ZC4H2: variants seen among roughly 807,000 people sequenced by gnomAD.
ZC4H2 encodes the protein zinc finger C4H2 domain-containing protein.
For missense variants in ZC4H2, 137 were observed against 173.9 expected, an observed-to-expected ratio of 0.79 and a Z score of 1.19; for synonymous variants, 84 against 66.3, an observed-to-expected ratio of 1.27 and a Z score of -1.30.
intron 1 of ZC4H2, among the ~76,000 whole-genome samples, chrX:64,973,284 A>G (rs1931840519): frequency 9.1e-6 from 1 of 109,951 alleles, no homozygotes; most frequent in African/African-American, 3.3e-5. Context: ...TTAAAAATTC[A>G]TATTGATTTA....
At chrX:65,033,028 C>T (rs891874626) in intron 1 of ZC4H2, among the ~76,000 whole-genome samples, 2 of 111,876 alleles carry the variant, frequency 1.8e-5, no homozygotes, top group South Asian at 3.8e-4. Flanking sequence ...CTGCCCACCT[C>T]GGCCTCCCAA....
At position 64,967,444 on chromosome X, in the gene ZC4H2, T is replaced by G. The variant is rs779291008; in HGVS notation, c.53+8881A>C. Among the ~76,000 whole-genome samples, 10 of 112,071 alleles carry G rather than the reference T, an allele frequency of 8.9e-5. No individual in the cohort carries two copies. In the South Asian group the frequency reaches 3.7e-3, roughly 42 times the overall value. ...TAAGCAAGCACCATTTATCCAGAAG[T>G]GCGCTGGTTCTTGTGGATGAATGAT... On this transcript the variant is annotated intron_variant, in intron 1 of 4. Coordinates refer to ENST00000374839, the MANE Select transcript of ZC4H2 (RefSeq NM_018684.4).
intron 1 of ZC4H2, among the ~76,000 whole-genome samples, chrX:64,968,964 TG>T (rs1931685347): frequency 1.8e-5 from 2 of 111,130 alleles, no homozygotes; most frequent in Admixed American, 1.9e-4. Context: ...CAAGAGGGAG[TG>T]AATGTTGTGT....
At chrX:64,974,260 CTTCT>C (rs1931872246) in intron 1 of ZC4H2, among the ~76,000 whole-genome samples, 1 of 111,139 alleles carries the variant, frequency 9.0e-6, no homozygotes, top group Admixed American at 9.5e-5. Flanking sequence ...TCACTTTGTT[CTTCT>C]TTATGTTTTA....
chrX:64,987,120 G>C (rs1390435508), intron 1 of ZC4H2, among the ~76,000 whole-genome samples: 1 of 108,873 alleles, frequency 9.2e-6, no homozygotes, highest in African/African-American at 3.4e-5. Flanking sequence ...AGTAGAGACA[G>C]GGTTTCACTG....
chrX:65,003,604 G>A (rs1394737189), intron 1 of ZC4H2, among the ~76,000 whole-genome samples: 2 of 111,482 alleles, frequency 1.8e-5, no homozygotes, highest in African/African-American at 3.3e-5. Context: ...GGGGCCAGGC[G>A]TGGTGGCTCA....
At chrX:64,956,241 G>T (rs1004023785) in intron 1 of ZC4H2, among the ~76,000 whole-genome samples, 2 of 111,559 alleles carry the variant, frequency 1.8e-5, no homozygotes, top group African/African-American at 6.5e-5. Flanking sequence ...TTAATGGAAA[G>T]ACTGCTTAGT....
At chrX:65,029,190 A>G (rs1932910663) in intron 1 of ZC4H2, among the ~76,000 whole-genome samples, 1 of 111,722 alleles carries the variant, frequency 9.0e-6, no homozygotes, top group Non-Finnish European at 1.9e-5. Context: ...CAGAGAATGT[A>G]TGTCTGGAAT....
At chrX:64,958,786 G>T (rs182097983) in intron 1 of ZC4H2, among the ~76,000 whole-genome samples, 127 of 111,406 alleles carry the variant, frequency 1.1e-3, no homozygotes, top group African/African-American at 4.0e-3. Flanking sequence ...GTGCATAAGG[G>T]CTCTTGTATC....
chrX:64,928,648 C>CTTT (rs1395706103), intron 1 of ZC4H2, among the ~76,000 whole-genome samples: 15 of 94,466 alleles, frequency 1.6e-4, no homozygotes, highest in African/African-American at 5.6e-4. Flanking sequence ...TCTTCTTCTT[C>CTTT]TTCTTCTTCT....
At chrX:64,998,666 T>C (rs1220156083) in intron 1 of ZC4H2, among the ~76,000 whole-genome samples, 1 of 111,738 alleles carries the variant, frequency 8.9e-6, no homozygotes, top group Non-Finnish European at 1.9e-5. Context: ...CTTACTTATC[T>C]TCTGTCTGGT....
At chrX:65,012,899 A>G (rs1932769478) in intron 1 of ZC4H2, among the ~76,000 whole-genome samples, 1 of 111,812 alleles carries the variant, frequency 8.9e-6, no homozygotes, top group Admixed American at 9.5e-5. Context: ...TAGAAATTCT[A>G]GCTGTTTTTG....
chrX:64,942,188 T>A (rs1459851556), intron 1 of ZC4H2, among the ~76,000 whole-genome samples: 5 of 111,578 alleles, frequency 4.5e-5, no homozygotes, highest in Non-Finnish European at 1.9e-5. Flanking sequence ...CATAAAGGTG[T>A]TTTTAGTATT....
chrX:64,958,223 C>A (rs1391405796), intron 1 of ZC4H2, among the ~76,000 whole-genome samples: 1 of 112,142 alleles, frequency 8.9e-6, no homozygotes, highest in East Asian at 2.8e-4. Context: ...AGTGCAGTAT[C>A]ATCACAAACG....
intron 1 of ZC4H2, among the ~76,000 whole-genome samples, chrX:64,968,108 G>GGCTTTATTTAATAATA (rs11275267): frequency 0.23 from 25,214 of 110,627 alleles, 7,280 homozygotes; most frequent in African/African-American, 0.8. Context: ...TGTTAAGAAA[G>GGCTTTATTTAATAATA]GCTTTATTTA....
intron 1 of ZC4H2, among the ~76,000 whole-genome samples, chrX:64,998,194 T>C (rs1182261964): frequency 9.0e-6 from 1 of 110,921 alleles, no homozygotes; most frequent in Non-Finnish European, 1.9e-5. Context: ...TATAAATAAA[T>C]TAAACTCTCA....
At chrX:64,944,935 TTA>T (rs1358846245) in intron 1 of ZC4H2, among the ~76,000 whole-genome samples, 1 of 112,745 alleles carries the variant, frequency 8.9e-6, no homozygotes, top group Admixed American at 9.4e-5. Flanking sequence ...ATCAGGTAAT[TTA>T]TGTTTTCCTC....
chrX:64,924,000 A>C (rs1929320294), intron 1 of ZC4H2, among the ~76,000 whole-genome samples: 1 of 112,094 alleles, frequency 8.9e-6, no homozygotes, highest in Non-Finnish European at 1.9e-5. Context: ...TTATTTGCTT[A>C]TATCCCCATC....
At chrX:65,023,026 T>G (rs1932848787) in intron 1 of ZC4H2, among the ~76,000 whole-genome samples, 1 of 111,899 alleles carries the variant, frequency 8.9e-6, no homozygotes, top group African/African-American at 3.3e-5. Flanking sequence ...ATATATCTGT[T>G]TTGGTACCAG....
Sources: gnomAD v4.1 joint callset for allele counts (sites outside exome capture counted in the v4.1 genomes callset) on GRCh38, gnomAD v4.1.1 for gene constraint, MANE v1.5 for transcripts, NCBI Gene and HGNC (gene_info 2026-07-23, HGNC 2026-07-21) for gene names.